The following CTNNA2 variants were observed in gnomAD, a reference collection of about 807,000 sequenced individuals.
CTNNA2 encodes the protein catenin alpha-2.
In CTNNA2, 42 loss-of-function variants were observed where a neutral mutation model predicts 101.0. The observed-to-expected ratio is 0.42, with a 90% confidence interval of 0.32 to 0.54. CTNNA2 has a LOEUF of 0.54. CTNNA2 is among the 20% of genes least tolerant of loss of function. The pLI is 0.14. For synonymous variants in CTNNA2, 450 were observed against 456.4 expected (o/e 0.99, Z 0.18); for missense variants, 871 against 1,223.1 (o/e 0.71, Z 4.29).
At chr2:79,607,487 T>C (rs769883769) in intron 1 of CTNNA2, among the ~76,000 whole-genome samples, 4 of 152,200 alleles carry the variant, frequency 2.6e-5, no homozygotes, top group East Asian at 3.9e-4. Context: ...TTTTCCAAGA[T>C]AGACCATATT....
Position 79,609,269 on chromosome 2 carries a change from G to A in CTNNA2, c.-5-42283G>A, listed in dbSNP as rs537746790. On this transcript the variant is annotated intron_variant, in intron 1 of 18. Coordinates refer to ENST00000402739, the MANE Select transcript of CTNNA2 (RefSeq NM_001282597.3). ...TGTTAATTCTCCTAGAATTAAGGCT[G>A]TCAGATAACATATACGACAGCCAGT... Among the ~76,000 whole-genome samples, 199 of 152,050 alleles carry A rather than the reference G, an allele frequency of 1.3e-3. 6 individuals carry two copies. The South Asian group carries it at 0.04, about 31-fold the overall frequency.
rs556777650 is a variant in CTNNA2, at chr2:79,803,262, C to T, written c.299-54751C>T. On this transcript the variant is annotated intron_variant, in intron 3 of 18. Coordinates refer to ENST00000402739, the MANE Select transcript of CTNNA2 (RefSeq NM_001282597.3). ...CCAGCTCAGTCAGGGAGACCCTAACCCAGCGGCGCTAGAGGAATTAAGATA... is the reference window on the plus strand; with the variant it reads ...CCAGCTCAGTCAGGGAGACCCTAACTCAGCGGCGCTAGAGGAATTAAGATA... Among the ~76,000 whole-genome samples, 149 of 152,254 alleles carry T rather than the reference C, an allele frequency of 9.8e-4. 1 individual carries two copies. The highest frequency in any genetic ancestry group is 1.7e-3 in the Non-Finnish European group (117 of 68,014).
At chr2:79,750,671 G>C (rs1159416985) in intron 3 of CTNNA2, among the ~76,000 whole-genome samples, 2 of 151,994 alleles carry the variant, frequency 1.3e-5, no homozygotes, top group African/African-American at 2.4e-5. Flanking sequence ...GACCATCCTG[G>C]CTAACACAGT....
At chr2:79,525,131 C>T (rs540763836) in intron 1 of CTNNA2, among the ~76,000 whole-genome samples, 17 of 152,002 alleles carry the variant, frequency 1.1e-4, no homozygotes, top group East Asian at 5.8e-4. Flanking sequence ...TGTGCTAATA[C>T]GAGACCTTCA....
rs1436115414 is a variant in CTNNA2 at position 80,090,144 on chromosome 2, C to CTGTGTG, written c.1056+180348_1056+180349insGTGTGT. On this transcript the variant is annotated intron_variant, in intron 7 of 18. Transcript: ENST00000402739. ...AGAAAGGAAGTTTCACTCTCTCTCTCTCTGTGTGTGTGTGTGTGTGTGTGT... is the reference window on the plus strand; with the variant it reads ...AGAAAGGAAGTTTCACTCTCTCTCTCTGTGTGTCTGTGTGTGTGTGTGTGTGTGTGT... Among the ~76,000 whole-genome samples, 14 of 86,700 alleles carry CTGTGTG rather than the reference C, an allele frequency of 1.6e-4. No individual in the cohort carries two copies. In the East Asian group the frequency reaches 6.6e-3, roughly 41 times the overall value. 56.9% of individuals were successfully genotyped at this position (86,700 alleles called of 152,430 possible). A position where few individuals can be genotyped will look rare whatever the true frequency, so the allele number is the denominator to read the frequency against.
intron 1 of CTNNA2, among the ~76,000 whole-genome samples, chr2:79,589,846 T>G (rs1469860718): frequency 6.6e-6 from 1 of 152,144 alleles, no homozygotes; most frequent in Non-Finnish European, 1.5e-5. Context: ...GTCTTCTAAC[T>G]TCTCTCTAGG....
chr2:79,710,201 A>G lies in CTNNA2; in HGVS notation c.103-34186A>G, dbSNP rs530237444. Reference sequence around the variant, plus strand: ...GTAGTTACATTTCTTCTAAACCATTATTAAAAAAAAAAATGGATGAGACTT... The same window carrying G: ...GTAGTTACATTTCTTCTAAACCATTGTTAAAAAAAAAAATGGATGAGACTT... On this transcript the variant is annotated intron_variant, in intron 2 of 18. Coordinates refer to ENST00000402739, the MANE Select transcript of CTNNA2 (RefSeq NM_001282597.3). Among the ~76,000 whole-genome samples, 4 of 152,162 alleles carry G rather than the reference A, an allele frequency of 2.6e-5. No individual in the cohort carries two copies. In the East Asian group the frequency reaches 7.8e-4, roughly 29 times the overall value.
intron 1 of CTNNA2, among the ~76,000 whole-genome samples, chr2:79,633,027 G>A (rs1359497267): frequency 1.3e-5 from 2 of 152,180 alleles, no homozygotes; most frequent in African/African-American, 2.4e-5. Flanking sequence ...TAGTTTGCCA[G>A]CCCCTTCAAA....
intron 7 of CTNNA2, among the ~76,000 whole-genome samples, chr2:80,169,168 G>C (rs146018935): frequency 4.9e-4 from 74 of 152,310 alleles, no homozygotes; most frequent in African/African-American, 1.8e-3. Flanking sequence ...TTGCCTGGGG[G>C]CAGAAAACAG....
intron 2 of CTNNA2, among the ~76,000 whole-genome samples, chr2:79,264,800 A>G (rs1224562916): frequency 1.3e-5 from 2 of 152,094 alleles, no homozygotes; most frequent in African/African-American, 2.4e-5. Flanking sequence ...AGCTGTGAAG[A>G]GAAGGTAGTT....
At chr2:80,138,370 TCTATGC>T (rs1323900218) in intron 7 of CTNNA2, among the ~76,000 whole-genome samples, 1 of 152,204 alleles carries the variant, frequency 6.6e-6, no homozygotes, top group African/African-American at 2.4e-5. Context: ...ACATAGCCTA[TCTATGC>T]CTTGGTTTCT....
chr2:79,952,850 A>G (rs1434471619), intron 7 of CTNNA2, among the ~76,000 whole-genome samples: 1 of 152,198 alleles, frequency 6.6e-6, no homozygotes, highest in Non-Finnish European at 1.5e-5. Context: ...GAAAGTATTT[A>G]CTGTCTGGTT....
At chr2:80,644,821 C>A (rs1483097153) in intron 18 of CTNNA2, among the ~76,000 whole-genome samples, 2 of 152,108 alleles carry the variant, frequency 1.3e-5, no homozygotes, top group Non-Finnish European at 2.9e-5. Context: ...AAATTCTTGG[C>A]TTTATATTTC....
chr2:80,071,344 T>C (rs1306679258), intron 7 of CTNNA2, among the ~76,000 whole-genome samples: 3 of 152,226 alleles, frequency 2.0e-5, no homozygotes, highest in African/African-American at 7.2e-5. Context: ...GTGCCGTCAA[T>C]TGTAGCATCC....
At chr2:80,398,974 T>C (rs2149376353) in intron 8 of CTNNA2, among the ~76,000 whole-genome samples, 1 of 149,620 alleles carries the variant, frequency 6.7e-6, no homozygotes, top group East Asian at 2.1e-4. Flanking sequence ...AATGGTGCGA[T>C]CTCAACTCAC....
intron 18 of CTNNA2, among the ~76,000 whole-genome samples, chr2:80,632,067 T>A (rs1376828705): frequency 6.6e-6 from 1 of 152,260 alleles, no homozygotes; most frequent in Non-Finnish European, 1.5e-5. Flanking sequence ...ATAATTGATG[T>A]TCAGGGGCAG....
intron 3 of CTNNA2, among the ~76,000 whole-genome samples, chr2:79,763,975 C>T (rs1490476006): frequency 6.6e-6 from 1 of 152,212 alleles, no homozygotes; most frequent in Non-Finnish European, 1.5e-5. Flanking sequence ...CAACAGCCCA[C>T]TCCATCCACT....
intron 3 of CTNNA2, among the ~76,000 whole-genome samples, chr2:79,835,677 T>TTG (rs1679291720): frequency 1.7e-5 from 1 of 57,678 alleles, no homozygotes; most frequent in African/African-American, 7.4e-5. Context: ...TTTTTTTTTT[T>TTG]TTTTTTTTTT....
chr2:80,524,779 CT>C (rs1232691917), intron 9 of CTNNA2, among the ~76,000 whole-genome samples: 1 of 152,142 alleles, frequency 6.6e-6, no homozygotes, highest in Non-Finnish European at 1.5e-5. Context: ...CATACATGCT[CT>C]CTCACACACA....
Sources: gnomAD v4.1 joint callset for allele counts (sites outside exome capture counted in the v4.1 genomes callset) on GRCh38, gnomAD v4.1.1 for gene constraint, MANE v1.5 for transcripts, NCBI Gene and HGNC (gene_info 2026-07-23, HGNC 2026-07-21) for gene names.